The following PAM variants were observed in gnomAD, a reference collection of about 807,000 sequenced individuals.
PAM encodes peptidylglycine alpha-amidating monooxygenase.
In PAM, 72 loss-of-function variants were observed where a neutral mutation model predicts 122.1. The observed-to-expected ratio is 0.59, with a 90% CI of 0.49 to 0.72. The LOEUF (loss-of-function observed/expected upper bound fraction) is 0.72, where lower values mean the gene tolerates loss of function less well. Among genes scored for constraint, PAM ranks in the 30% least tolerant of loss-of-function variants. The pLI is 0.00. For missense variants in PAM, 1,106 were observed against 1,183.7 expected (o/e 0.93, Z 0.96); for synonymous variants, 389 against 404.4 (o/e 0.96, Z 0.46).
chr5:102,797,335 ATAT>A (rs1303074059), intron 1 of PAM, among the ~76,000 whole-genome samples: 1 of 152,240 alleles, frequency 6.6e-6, no homozygotes, highest in Non-Finnish European at 1.5e-5. Flanking sequence ...TCATTATTAA[ATAT>A]TATTTTAAAA....
chr5:102,899,079 C>T (rs1796964585), intron 3 of PAM, among the ~76,000 whole-genome samples: 2 of 151,568 alleles, frequency 1.3e-5, no homozygotes, highest in Non-Finnish European at 3.0e-5. Flanking sequence ...CTCCCCTACC[C>T]TCCCTTTACC....
intron 3 of PAM, among the ~76,000 whole-genome samples, chr5:102,869,422 G>C (rs961648022): frequency 6.6e-6 from 1 of 152,196 alleles, no homozygotes; most frequent in Admixed American, 6.5e-5. Context: ...TACTTATGCA[G>C]TGTTCAGTTA....
At position 102,885,094 on chromosome 5, in the gene PAM, T is replaced by TATATATATAA. The variant is rs60241746; in HGVS notation, c.211-16261_211-16260insTATATATAAA. On this transcript the variant is annotated intron_variant, in intron 3 of 25. Transcript: ENST00000438793. ...CTTGTTTAATAACTATATATATATATAACTATAAAAGCTTTACTTGATTAT... is the reference window on the plus strand; with the variant it reads ...CTTGTTTAATAACTATATATATATATATATATATAAAACTATAAAAGCTTTACTTGATTAT... Among the ~76,000 whole-genome samples the TATATATATAA allele has an allele frequency of 6.4e-3, 941 of 147,846 alleles. 30 individuals are homozygous for TATATATATAA. The highest frequency in any genetic ancestry group is 0.023 in the African/African-American group (881 of 38,338).
chr5:102,963,658 A>G (rs942434697), intron 14 of PAM, among the ~76,000 whole-genome samples: 5 of 151,882 alleles, frequency 3.3e-5, no homozygotes, highest in Admixed American at 2.6e-4. Flanking sequence ...AAACCCCTGT[A>G]GAAAACAGCA....
At chr5:102,992,346 TA>T (rs1464901650) in intron 16 of PAM, among the ~76,000 whole-genome samples, 3 of 130,444 alleles carry the variant, frequency 2.3e-5, no homozygotes, top group African/African-American at 9.2e-5. Flanking sequence ...GATGTAAAAC[TA>T]TTTTTTTTTC....
chr5:102,954,222 A>G (rs1759959122), intron 12 of PAM, among the ~76,000 whole-genome samples: 1 of 151,738 alleles, frequency 6.6e-6, no homozygotes, highest in African/African-American at 2.4e-5. Context: ...TTCTTTAGGG[A>G]TTTCTGTGAT....
intron 1 of PAM, among the ~76,000 whole-genome samples, chr5:102,771,409 CA>C (rs1755751823): frequency 1.3e-5 from 2 of 152,212 alleles, no homozygotes; most frequent in South Asian, 4.1e-4. Context: ...GTTAGTGCTG[CA>C]TTCTAAACAG....
chr5:102,897,943 T>C (rs1219035328), intron 3 of PAM, among the ~76,000 whole-genome samples: 1 of 151,586 alleles, frequency 6.6e-6, no homozygotes, highest in Non-Finnish European at 1.5e-5. Context: ...ATTAACGTCC[T>C]TTTCCATAGA....
At chr5:102,801,904 G>C (rs1389238667) in intron 1 of PAM, among the ~76,000 whole-genome samples, 4 of 144,444 alleles carry the variant, frequency 2.8e-5, no homozygotes, top group East Asian at 4.3e-4. Flanking sequence ...TCAGCCTCCC[G>C]AGTAGCTGGG....
chr5:102,945,997 G>T (rs928186213), intron 7 of PAM, among the ~76,000 whole-genome samples: 43 of 152,072 alleles, frequency 2.8e-4, no homozygotes, highest in African/African-American at 9.9e-4. Context: ...AGAGCACACT[G>T]CAAATCATCA....
At chr5:102,892,559 A>G (rs1275827465) in intron 3 of PAM, among the ~76,000 whole-genome samples, 2 of 151,860 alleles carry the variant, frequency 1.3e-5, no homozygotes, top group Non-Finnish European at 2.9e-5. Context: ...CTGTATGCAC[A>G]ATAATCCCAA....
intron 1 of PAM, among the ~76,000 whole-genome samples, chr5:102,851,799 A>T (rs774524854): frequency 2.6e-5 from 4 of 152,234 alleles, no homozygotes; most frequent in Non-Finnish European, 5.9e-5. Context: ...ATTTATGGAG[A>T]AAGGACTTTC....
chr5:102,863,207 A>C (rs1487381686), intron 1 of PAM, among the ~76,000 whole-genome samples: 1 of 152,212 alleles, frequency 6.6e-6, no homozygotes, highest in Non-Finnish European at 1.5e-5. Context: ...TACAAATAAA[A>C]TAGTAAATCT....
intron 1 of PAM, among the ~76,000 whole-genome samples, chr5:102,824,183 G>A (rs1334513206): frequency 6.6e-6 from 1 of 152,142 alleles, no homozygotes; most frequent in African/African-American, 2.4e-5. Flanking sequence ...GAAAAAGGCT[G>A]TTGAGTTCGA....
Position 102,949,966 on chromosome 5 carries a change from T to C in PAM, c.789T>C (p.Pro263=). 1 of 1,567,078 alleles carries C rather than the reference T, an allele frequency of 6.4e-7. No homozygotes were observed. Among genetic ancestry groups the C allele is most frequent in the Non-Finnish European group, 8.8e-7 (1 of 1,137,968 alleles). ...GQWTLIGRQS[P]QLPQAFYPVG... is the part of the protein sequence containing the mutation. ...GGACACTGATTGGACGGCAGAGCCCTCAGCTGCCACAGGTGGGTAAAATCT... is the reference window on the plus strand; with the variant it reads ...GGACACTGATTGGACGGCAGAGCCCCCAGCTGCCACAGGTGGGTAAAATCT... The change falls in exon 11 of 26, where the codon CCT becomes CCC. Residue 263 remains proline, a synonymous_variant. Transcript: ENST00000438793.
Position 102,965,287 on chromosome 5 carries a change from G to A in PAM, c.1162+4058G>A, listed in dbSNP as rs183220699. Among the ~76,000 whole-genome samples the A allele has an allele frequency of 3.3e-5, 5 of 150,894 alleles. No individual in the cohort carries two copies. The East Asian group carries it at 7.8e-4, about 23-fold the overall frequency. Reference sequence around the variant, plus strand: ...TTATGCATTATAATTTCTTATATGCGTTCACTATACCAAAGCTATAAACAT... The same window carrying A: ...TTATGCATTATAATTTCTTATATGCATTCACTATACCAAAGCTATAAACAT... On this transcript the variant is annotated intron_variant, in intron 14 of 25. Coordinates refer to ENST00000438793, the MANE Select transcript of PAM (RefSeq NM_001177306.2).
rs1785896745 is a variant in PAM at position 103,029,383 on chromosome 5, C to A, written c.*318C>A. On this transcript the variant is annotated 3_prime_UTR_variant, in exon 26 of 26. Coordinates refer to ENST00000438793, the MANE Select transcript of PAM (RefSeq NM_001177306.2). ...GAGACTTTTTGGTGGATGTAAATAA[C>A]CCCATTCTTTGCTTGAACACAGTAT... 1 of 211,624 alleles carries A rather than the reference C, an allele frequency of 4.7e-6. No homozygotes were observed. The highest frequency in any genetic ancestry group is 1.8e-4 in the South Asian group (1 of 5,498). The allele number at this position is 211,624 out of a possible 1,614,324, so 13.1% of individuals were successfully genotyped here. A position where few individuals can be genotyped will look rare whatever the true frequency, so the allele number is the denominator to read the frequency against.
intron 1 of PAM, among the ~76,000 whole-genome samples, chr5:102,860,215 TC>T (rs1224268291): frequency 2.0e-5 from 3 of 151,910 alleles, no homozygotes; most frequent in East Asian, 1.9e-4. Context: ...TAAGGAGGCA[TC>T]CGTGTGATGG....
rs1273553940 is a variant in PAM at position 103,006,816 on chromosome 5, C to G, written c.1819C>G (p.Pro607Ala). ...VALHQVFKLD[P>A]NNKEGPVLIL... is the part of the protein sequence containing the mutation. ...TTTTAAAAAGGTGTTCAAACTGGAT[C>G]CAAACAATAAAGAAGGCCCTGTATT... The change falls in exon 19 of 26, where the codon CCA becomes GCA. Residue 607 changes from proline to alanine, a missense_variant. Coordinates refer to ENST00000438793, the MANE Select transcript of PAM (RefSeq NM_001177306.2). 6.2e-7 allele frequency: 1 copy of G among 1,612,346 alleles called. No individual in the cohort carries two copies. The highest frequency in any genetic ancestry group is 2.2e-5 in the East Asian group (1 of 44,874).
Sources: allele counts gnomAD v4.1 joint callset (sites outside exome capture counted in the v4.1 genomes callset), GRCh38; gene constraint gnomAD v4.1.1; transcripts MANE v1.5; gene names NCBI Gene and HGNC (gene_info 2026-07-23, HGNC 2026-07-21).